The following TXNDC9 variants were observed in gnomAD, a reference collection of about 807,000 sequenced individuals.
TXNDC9 encodes thioredoxin domain-containing protein 9.
A neutral mutation model predicts 23.0 loss-of-function variants in TXNDC9; 7 were observed. That is an observed-to-expected ratio of 0.30 (90% CI 0.17 to 0.57). TXNDC9 has a LOEUF of 0.57. TXNDC9 is among the 20% of genes least tolerant of loss of function. TXNDC9 has a pLI of 0.90. For synonymous variants in TXNDC9, 72 were observed against 90.6 expected (o/e 0.79, Z 1.17); for missense variants, 198 against 252.6 (o/e 0.78, Z 1.47).
downstream of TXNDC9, among the ~76,000 whole-genome samples, chr2:99,318,753 G>A (rs954134176): frequency 1.3e-5 from 2 of 152,180 alleles, no homozygotes; most frequent in African/African-American, 4.8e-5. Context: ...TAGAGTTTCT[G>A]TGCTGTAAGT....
chr2:99,333,177 T>C lies in TXNDC9; in HGVS notation c.34A>G (p.Lys12Glu), dbSNP rs1357398782. 1 of 1,614,026 alleles carries C rather than the reference T, an allele frequency of 6.2e-7. No homozygotes were observed. Among genetic ancestry groups the C allele is most frequent in the Admixed American group, 1.7e-5 (1 of 59,992 alleles). ...TGAAGCAGCTGATGCTCCAGGACTTTGGAAAACATGTCAACAGATGCATCA... is the reference window on the plus strand; with the variant it reads ...TGAAGCAGCTGATGCTCCAGGACTTCGGAAAACATGTCAACAGATGCATCA... ...EADASVDMFS[K>E]VLEHQLLQTT... is the part of the protein sequence containing the mutation. The change falls in exon 2 of 5, where the codon AAA becomes GAA. Residue 12 changes from lysine to glutamate, a missense_variant. Transcript: ENST00000264255.
chr2:99,307,021 T>G, the TXNDC9 span, among the ~76,000 whole-genome samples: 2 of 97,246 alleles, frequency 2.1e-5, no homozygotes, highest in African/African-American at 7.2e-5. Context: ...CTCCCTTCCT[T>G]CCTTCCTTCT....
At chr2:99,321,748 A>C (rs894332971) in intron 4 of TXNDC9, 4 of 570,156 alleles carry the variant, frequency 7.0e-6, no homozygotes, top group Non-Finnish European at 1.2e-5. Flanking sequence ...TACCTATTAA[A>C]TCAGTTTAAT....
chr2:99,314,420 A>G (rs1574900130), downstream of TXNDC9, among the ~76,000 whole-genome samples: 2 of 152,014 alleles, frequency 1.3e-5, no homozygotes, highest in East Asian at 1.9e-4. Flanking sequence ...TCAATACAGT[A>G]TAACAACTAT....
At chr2:99,308,982 G>A in the TXNDC9 span, among the ~76,000 whole-genome samples, 4 of 151,944 alleles carry the variant, frequency 2.6e-5, no homozygotes, top group Non-Finnish European at 5.9e-5. Context: ...GATTACAGGC[G>A]TAAGCAGCCG....
chr2:99,325,373 TC>T (rs1196582040), intron 3 of TXNDC9, among the ~76,000 whole-genome samples: 1 of 152,214 alleles, frequency 6.6e-6, no homozygotes, highest in Non-Finnish European at 1.5e-5. Context: ...AGTCAATTTC[TC>T]CAAATCTTGG....
At chr2:99,331,601 C>T (rs1411471006) in intron 2 of TXNDC9, among the ~76,000 whole-genome samples, 1 of 151,842 alleles carries the variant, frequency 6.6e-6, no homozygotes, top group African/African-American at 2.4e-5. Context: ...ATAACGTACT[C>T]TATTTTAGAA....
At chr2:99,320,372 G>C (rs2105318803) in intron 4 of TXNDC9, among the ~76,000 whole-genome samples, 1 of 152,198 alleles carries the variant, frequency 6.6e-6, no homozygotes, top group East Asian at 1.9e-4. Context: ...GTTGTCACCG[G>C]AAATGAGAGA....
Position 99,336,332 on chromosome 2 carries a change from G to A in TXNDC9, c.-126C>T. On this transcript the variant is annotated 5_prime_UTR_variant, in exon 1 of 5. Transcript: ENST00000264255. ...TGCCTTGCAGTAGCTGCCGGCGGCT[G>A]CAAACGGGCCGTCACATCCGCCTCC... 1 of 985,490 alleles carries A rather than the reference G, an allele frequency of 1.0e-6. No individual in the cohort carries two copies. The highest frequency in any genetic ancestry group is 1.2e-6 in the Non-Finnish European group (1 of 829,964). The allele number at this position is 985,490 out of a possible 1,614,324, so 61.0% of individuals were successfully genotyped here.
At chr2:99,330,290 C>CAAAAAAAA (rs528602849) in intron 2 of TXNDC9, among the ~76,000 whole-genome samples, 1,778 of 28,166 alleles carry the variant, frequency 0.063, 590 homozygotes, top group Middle Eastern at 0.1. Flanking sequence ...ACTCTTATCT[C>CAAAAAAAA]AAAAAAAAAA....
chr2:99,321,793 T>C (rs1282291068), intron 4 of TXNDC9, 162 bp downstream of exon 4: 5 of 789,620 alleles, frequency 6.3e-6, no homozygotes, highest in South Asian at 4.1e-5. Flanking sequence ...ATCACGCTAA[T>C]ATTACACACT....
Position 99,333,036 on chromosome 2 carries a change from G to T in TXNDC9, c.175C>A (p.Gln59Lys). ...EKRLQALRKA[Q>K]QQKQEWLSKG... ...AGAGAGGTTACTTGTTTCTGCTGTTGAGCTTTCCTTAGTGCCTGGAGTCTC... is the reference window on the plus strand; with the variant it reads ...AGAGAGGTTACTTGTTTCTGCTGTTTAGCTTTCCTTAGTGCCTGGAGTCTC... Residue 59 changes from glutamine (Q) to lysine (K), a missense_variant, in exon 2 of 5, where the codon CAA becomes AAA. Physicochemically the swap from Gln to Lys is moderately conservative, Grantham distance 53. Coordinates refer to ENST00000264255, the MANE Select transcript of TXNDC9 (RefSeq NM_005783.4). 1.2e-6 allele frequency: 2 copies of T among 1,613,906 alleles called. No homozygotes were observed. The highest frequency in any genetic ancestry group is 1.7e-6 in the Non-Finnish European group (2 of 1,179,920).
At chr2:99,333,582 A>G (rs931652542) in intron 1 of TXNDC9, among the ~76,000 whole-genome samples, 1 of 152,216 alleles carries the variant, frequency 6.6e-6, no homozygotes, top group African/African-American at 2.4e-5. Context: ...ATATACTGAC[A>G]ATCAGTGTTC....
At chr2:99,322,788 G>A (rs984903981) in intron 3 of TXNDC9, 16 of 1,224,148 alleles carry the variant, frequency 1.3e-5, no homozygotes, top group Non-Finnish European at 1.5e-5. Context: ...TGGAGGTGGC[G>A]TATTGCCCTG....
At chr2:99,323,389 A>G (rs553624864) in intron 3 of TXNDC9, among the ~76,000 whole-genome samples, 86 of 152,058 alleles carry the variant, frequency 5.7e-4, no homozygotes, top group African/African-American at 2.0e-3. Flanking sequence ...CCTGGGCAAC[A>G]TAGTGAGACT....
intron 2 of TXNDC9, among the ~76,000 whole-genome samples, chr2:99,329,377 A>G (rs774523461): frequency 1.3e-5 from 2 of 152,176 alleles, no homozygotes; most frequent in Non-Finnish European, 2.9e-5. Flanking sequence ...CTAATTCACC[A>G]ATGTCTTCTT....
At chr2:99,327,315 A>AC (rs538871393) in intron 3 of TXNDC9, among the ~76,000 whole-genome samples, 35 of 151,664 alleles carry the variant, frequency 2.3e-4, no homozygotes, top group East Asian at 3.9e-4. Flanking sequence ...CAAGTGATCC[A>AC]CCCCCCACTT....
chr2:99,316,998 C>T (rs1250855736), downstream of TXNDC9, among the ~76,000 whole-genome samples: 4 of 152,256 alleles, frequency 2.6e-5, no homozygotes, highest in Admixed American at 6.5e-5. Flanking sequence ...CCTCGTGATC[C>T]GCCCGCCTTG....
At chr2:99,326,988 TG>T (rs1211527831) in intron 3 of TXNDC9, among the ~76,000 whole-genome samples, 6 of 152,260 alleles carry the variant, frequency 3.9e-5, no homozygotes, top group African/African-American at 1.4e-4. Context: ...GCCATTTATA[TG>T]GGAATATTGA....
Sources: gnomAD v4.1 joint callset for allele counts (sites outside exome capture counted in the v4.1 genomes callset) on GRCh38, gnomAD v4.1.1 for gene constraint, MANE v1.5 for transcripts, NCBI Gene and HGNC (gene_info 2026-07-23, HGNC 2026-07-21) for gene names.